DOCK1: variants seen among roughly 807,000 people sequenced by gnomAD.
The protein encoded by DOCK1 is dedicator of cytokinesis 1.
DOCK1 carries 138 observed loss-of-function variants against 262.7 expected under a neutral mutation model. That is an observed-to-expected ratio of 0.53 (90% CI 0.46 to 0.61). The LOEUF (loss-of-function observed/expected upper bound fraction) is 0.61, where lower values mean the gene tolerates loss of function less well. Among genes scored for constraint, DOCK1 ranks in the 20% least tolerant of loss-of-function variants. DOCK1 has a pLI of 0.00. For missense variants in DOCK1, 1,908 were observed against 2,370.7 expected, an observed-to-expected ratio of 0.80 and a Z score of 4.05; for synonymous variants, 866 against 867.4, an observed-to-expected ratio of 1.00 and a Z score of 0.03.
intron 6 of DOCK1, among the ~76,000 whole-genome samples, chr10:126,994,645 A>G (rs2040037423): frequency 6.6e-6 from 1 of 152,272 alleles, no homozygotes. Flanking sequence ...GGGTAACGTC[A>G]TAGATTAACA....
rs1245412433 is a variant in DOCK1 at position 127,437,958 on chromosome 10, T to C, written c.5061-1069T>C. Among the ~76,000 whole-genome samples, 3 of 152,198 alleles carry C rather than the reference T, an allele frequency of 2.0e-5. No homozygotes were observed. The highest frequency in any genetic ancestry group is 7.2e-5 in the African/African-American group (3 of 41,452). The stretch of plus-strand genomic sequence containing the variant: ...CTCCAGGCGGTCAAGGAAGTCAGGT[T>C]TGGAAGTTGCTGTGAGGCTCAGAGC... On this transcript the variant is annotated intron_variant, in intron 48 of 51. Coordinates refer to ENST00000623213, the MANE Select transcript of DOCK1 (RefSeq NM_001290223.2). This position sits in a 1 kb window ranked among gnomAD's most constrained non-coding sequence, Gnocchi z 4.4.
At chr10:127,233,832 G>T (rs2058944004) in intron 27 of DOCK1, among the ~76,000 whole-genome samples, 1 of 152,152 alleles carries the variant, frequency 6.6e-6, no homozygotes, top group Non-Finnish European at 1.5e-5. Context: ...TGTTTTGAAG[G>T]TACCATTCTT....
chr10:126,944,198 T>A (rs933813185), intron 1 of DOCK1, among the ~76,000 whole-genome samples: 6 of 147,924 alleles, frequency 4.1e-5, no homozygotes, highest in African/African-American at 1.3e-4. Context: ...CCTGACTGAT[T>A]GGTTGTAGAC....
chr10:127,057,541 C>G (rs2045243078), intron 22 of DOCK1, among the ~76,000 whole-genome samples: 1 of 152,184 alleles, frequency 6.6e-6, no homozygotes. Context: ...ATGAGAACAA[C>G]AGTTTAAAAG....
chr10:127,065,360 G>C (rs1404626535), intron 23 of DOCK1, among the ~76,000 whole-genome samples: 1 of 152,146 alleles, frequency 6.6e-6, no homozygotes, highest in Non-Finnish European at 1.5e-5. Flanking sequence ...TCTACCAGGT[G>C]GTGGCATGTG....
At chr10:127,121,887 C>T (rs890572376) in intron 25 of DOCK1, among the ~76,000 whole-genome samples, 4 of 152,152 alleles carry the variant, frequency 2.6e-5, no homozygotes, top group African/African-American at 7.2e-5. Flanking sequence ...ACCACATGTG[C>T]GTAATTGCAA....
intron 5 of DOCK1, among the ~76,000 whole-genome samples, chr10:126,989,258 G>A (rs964793495): frequency 1.3e-5 from 2 of 151,880 alleles, no homozygotes; most frequent in African/African-American, 4.8e-5. Flanking sequence ...ATGTAGAGGG[G>A]GAGTTTTTTA....
chr10:127,101,542 T>G (rs1439976708), intron 23 of DOCK1, among the ~76,000 whole-genome samples: 3 of 152,166 alleles, frequency 2.0e-5, no homozygotes, highest in African/African-American at 7.2e-5. Flanking sequence ...GCATTCCATG[T>G]CCCCGCCTCA....
In DOCK1 at chr10:127,247,319, A is replaced by T. The variant is rs1423153461; in HGVS notation, c.2848-689A>T. On this transcript the variant is annotated intron_variant, in intron 27 of 51. Transcript: ENST00000623213. ...GAAACTCCCAGCTCTCCCACTTGAC[A>T]TTCTGATGAGCCCACATTCCTCCTG... Among the ~76,000 whole-genome samples, 32 of 151,588 alleles carry T rather than the reference A, an allele frequency of 2.1e-4. 1 individual carries two copies. Among genetic ancestry groups the T allele is most frequent in the Non-Finnish European group, 1.5e-5 (1 of 67,926 alleles).
At chr10:127,335,872 G>C (rs1474618428) in intron 29 of DOCK1, among the ~76,000 whole-genome samples, 1 of 151,986 alleles carries the variant, frequency 6.6e-6, no homozygotes, top group Non-Finnish European at 1.5e-5. Flanking sequence ...CTACCACCAT[G>C]CCCGGCTAAT....
chr10:127,128,495 A>G (rs1422124092), intron 27 of DOCK1, among the ~76,000 whole-genome samples: 1 of 151,942 alleles, frequency 6.6e-6, no homozygotes, highest in Non-Finnish European at 1.5e-5. Flanking sequence ...CTAGGTTTTA[A>G]GCCCTGCATG....
At position 127,440,802 on chromosome 10, in the gene DOCK1, G is replaced by A. The variant is rs187949450; in HGVS notation, c.5259+1577G>A. Among the ~76,000 whole-genome samples, 9 of 152,298 alleles carry A rather than the reference G, an allele frequency of 5.9e-5. 1 individual carries two copies. The highest frequency in any genetic ancestry group is 3.3e-4 in the Admixed American group (5 of 15,304). Reference sequence around the variant, plus strand: ...CTGGAGAATTCCCATGAGGGTGGCCGAGGATGTCAGACCAGGGGGGCACTG... The same window carrying A: ...CTGGAGAATTCCCATGAGGGTGGCCAAGGATGTCAGACCAGGGGGGCACTG... On this transcript the variant is annotated intron_variant, in intron 49 of 51. Coordinates refer to ENST00000623213, the MANE Select transcript of DOCK1 (RefSeq NM_001290223.2).
intron 24 of DOCK1, among the ~76,000 whole-genome samples, chr10:127,107,351 G>A (rs1035182234): frequency 1.3e-5 from 2 of 152,082 alleles, no homozygotes; most frequent in Admixed American, 6.5e-5. Context: ...TAGGTCACTC[G>A]TGCCCTGGAA....
intron 29 of DOCK1, among the ~76,000 whole-genome samples, chr10:127,288,835 A>G (rs2061254385): frequency 6.6e-6 from 1 of 151,546 alleles, no homozygotes; most frequent in Non-Finnish European, 1.5e-5. Flanking sequence ...AACAATACCA[A>G]TTGTTACTTT....
intron 27 of DOCK1, among the ~76,000 whole-genome samples, chr10:127,221,820 G>A (rs1454646893): frequency 6.6e-6 from 1 of 152,120 alleles, no homozygotes. Context: ...CTTTCCTTTA[G>A]TAGGTTTTCT....
At chr10:126,986,395 C>T (rs934693603) in intron 4 of DOCK1, among the ~76,000 whole-genome samples, 4 of 152,170 alleles carry the variant, frequency 2.6e-5, no homozygotes, top group African/African-American at 4.8e-5. Context: ...ACTATTGTAG[C>T]ATCCCTCGGC....
At chr10:127,389,205 C>T (rs2066322234) in intron 38 of DOCK1, among the ~76,000 whole-genome samples, 1 of 152,162 alleles carries the variant, frequency 6.6e-6, no homozygotes, top group Non-Finnish European at 1.5e-5. Context: ...GAAGGGGGCA[C>T]ACAGTAGAAG....
At chr10:127,094,914 C>A (rs200314386) in intron 23 of DOCK1, among the ~76,000 whole-genome samples, 1 of 152,208 alleles carries the variant, frequency 6.6e-6, no homozygotes, top group Non-Finnish European at 1.5e-5. Flanking sequence ...GCTGTCTAGA[C>A]AGGTGACCAG....
chr10:126,932,349 T>G (rs940032484), intron 1 of DOCK1, among the ~76,000 whole-genome samples: 1 of 152,094 alleles, frequency 6.6e-6, no homozygotes, highest in African/African-American at 2.4e-5. Context: ...CTGAGCAAAA[T>G]AGTAAGACCC....
Sources: allele counts gnomAD v4.1 joint callset (sites outside exome capture counted in the v4.1 genomes callset), GRCh38; gene constraint gnomAD v4.1.1; non-coding constraint Gnocchi (gnomAD v3.1); transcripts MANE v1.5; gene names NCBI Gene and HGNC (gene_info 2026-07-23, HGNC 2026-07-21).